Variants in SPIN1 observed in about 807,000 individuals in gnomAD.
The protein encoded by SPIN1 is spindlin 1, also known as spindlin-1.
In SPIN1, 3 loss-of-function variants were observed where a neutral mutation model predicts 26.0. The ratio of observed to expected loss-of-function variants is 0.12; its 90% CI spans 0.05 to 0.30. SPIN1 has a LOEUF of 0.30. Among genes scored for constraint, SPIN1 ranks in the 10% least tolerant of loss-of-function variants. SPIN1 has a pLI of 1.00. For missense variants in SPIN1, 126 were observed against 333.4 expected (o/e 0.38, Z 4.84); for synonymous variants, 101 against 116.5 (o/e 0.87, Z 0.86).
At chr9:88,460,756 A>T (rs567071538) in intron 3 of SPIN1, among the ~76,000 whole-genome samples, 5 of 152,340 alleles carry the variant, frequency 3.3e-5, no homozygotes, top group Admixed American at 6.5e-5. Flanking sequence ...AGAATGGATT[A>T]TGGCCACCCA....
chr9:88,454,530 G>A (rs1289867366), intron 3 of SPIN1, among the ~76,000 whole-genome samples: 16 of 151,978 alleles, frequency 1.1e-4, no homozygotes, highest in Non-Finnish European at 2.9e-5. Context: ...CCAAATAGGT[G>A]ATTAGAAATT....
In SPIN1 at chr9:88,477,606, C is replaced by T. The variant is rs530278184; in HGVS notation, c.*2329C>T. The T allele has an allele frequency of 2.0e-5, 3 of 152,452 alleles. No homozygotes were observed. Among genetic ancestry groups the T allele is most frequent in the South Asian group, 4.1e-4 (2 of 4,828 alleles). 9.4% of individuals were successfully genotyped at this position (152,452 alleles called of 1,614,324 possible). ...TGGTGACTTACACCACATGTAATGA[C>T]GCTATGACTAATTCTGCTCCCAAGC... is the stretch of plus-strand genomic sequence containing the variant. On this transcript the variant is annotated 3_prime_UTR_variant, in exon 6 of 6. Transcript: ENST00000375859.
intron 3 of SPIN1, among the ~76,000 whole-genome samples, chr9:88,460,435 T>C (rs1206158096): frequency 6.6e-6 from 1 of 152,214 alleles, no homozygotes; most frequent in African/African-American, 2.4e-5. Flanking sequence ...TGATACATGT[T>C]CTTACGTTAG....
intron 1 of SPIN1, among the ~76,000 whole-genome samples, chr9:88,404,361 C>G (rs1420816096): frequency 2.0e-5 from 3 of 152,176 alleles, no homozygotes; most frequent in Non-Finnish European, 4.4e-5. Flanking sequence ...CTCCCCTAAC[C>G]CCCAATTCTT....
intron 2 of SPIN1, among the ~76,000 whole-genome samples, chr9:88,444,494 C>T: frequency 6.6e-6 from 1 of 152,058 alleles, no homozygotes; most frequent in Non-Finnish European, 1.5e-5. Context: ...CCACCCGCCT[C>T]AGCCTCCCAA....
intron 2 of SPIN1, among the ~76,000 whole-genome samples, chr9:88,434,727 G>A (rs1355619861): frequency 3.3e-5 from 5 of 152,074 alleles, no homozygotes; most frequent in South Asian, 2.1e-4. Context: ...ATTACTGGAC[G>A]TGTGAGTTGT....
chr9:88,397,257 TG>T (rs1827085603), intron 1 of SPIN1, among the ~76,000 whole-genome samples: 1 of 152,142 alleles, frequency 6.6e-6, no homozygotes, highest in African/African-American at 2.4e-5. Context: ...CCTCATAATA[TG>T]GATCCACTGT....
chr9:88,457,301 G>A (rs1431964035), intron 3 of SPIN1, among the ~76,000 whole-genome samples: 1 of 152,058 alleles, frequency 6.6e-6, no homozygotes, highest in African/African-American at 2.4e-5. Context: ...GACTGAGGTG[G>A]GGCGGATCAC....
intron 1 of SPIN1, among the ~76,000 whole-genome samples, chr9:88,424,970 G>A (rs1433020961): frequency 2.6e-5 from 4 of 152,200 alleles, no homozygotes; most frequent in Admixed American, 6.5e-5. Context: ...AGGGATAGCT[G>A]TTATGACTAG....
intron 1 of SPIN1, among the ~76,000 whole-genome samples, chr9:88,401,010 T>A (rs906576378): frequency 6.6e-6 from 1 of 152,136 alleles, no homozygotes; most frequent in Non-Finnish European, 1.5e-5. Flanking sequence ...GAGATTCTAA[T>A]AAAATATTAG....
intron 2 of SPIN1, among the ~76,000 whole-genome samples, chr9:88,444,010 A>G (rs1828192307): frequency 6.6e-6 from 1 of 151,846 alleles, no homozygotes. Flanking sequence ...TTTCTGATCT[A>G]GTAAGTTGTG....
intron 1 of SPIN1, among the ~76,000 whole-genome samples, chr9:88,395,399 C>T (rs897119191): frequency 3.3e-5 from 5 of 152,026 alleles, no homozygotes; most frequent in African/African-American, 7.2e-5. Flanking sequence ...TTCTGGAGAG[C>T]GCTTCATTGA....
chr9:88,474,917 C>T (rs549212410), intron 5 of SPIN1, among the ~76,000 whole-genome samples, 161 bp from the exon 6 acceptor site: 125 of 152,106 alleles, frequency 8.2e-4, no homozygotes, highest in South Asian at 2.3e-3. Flanking sequence ...TTGTCTTTTA[C>T]GAAAACGTTT....
In SPIN1 at chr9:88,476,305, A is replaced by T. The variant is rs755007172; in HGVS notation, c.*1028A>T. Reference sequence around the variant, plus strand: ...AATACAATGCTTTTATATTGGAAGTATAAGTTTTGAGTGGCATTGTTGCCT... The same window carrying T: ...AATACAATGCTTTTATATTGGAAGTTTAAGTTTTGAGTGGCATTGTTGCCT... On this transcript the variant is annotated 3_prime_UTR_variant, in exon 6 of 6. Transcript: ENST00000375859. 6.6e-6 allele frequency: 1 copy of T among 152,212 alleles called. No homozygotes were observed. Among genetic ancestry groups the T allele is most frequent in the African/African-American group, 2.4e-5 (1 of 41,454 alleles). The allele number at this position is 152,212 out of a possible 1,614,324, so 9.4% of individuals were successfully genotyped here.
chr9:88,390,101 T>C (rs1271431209), intron 1 of SPIN1, among the ~76,000 whole-genome samples: 2 of 152,194 alleles, frequency 1.3e-5, no homozygotes, highest in Admixed American at 6.5e-5. Context: ...TTATAATCTT[T>C]TGAGTAGTGA....
At chr9:88,415,582 ATTTTTAT>A (rs767669316) in intron 1 of SPIN1, 4 of 151,884 alleles carry the variant, frequency 2.6e-5, no homozygotes, top group Non-Finnish European at 5.9e-5. Flanking sequence ...CACTTGGCTA[ATTTTTAT>A]TTTTTATTTT....
intron 3 of SPIN1, among the ~76,000 whole-genome samples, chr9:88,451,169 CA>C (rs1446334257): frequency 6.6e-6 from 1 of 152,062 alleles, no homozygotes; most frequent in Non-Finnish European, 1.5e-5. Flanking sequence ...ACTTCTGACT[CA>C]ACGGGAGTTG....
intron 2 of SPIN1, among the ~76,000 whole-genome samples, chr9:88,443,834 G>A (rs1828188438): frequency 6.6e-6 from 1 of 152,158 alleles, no homozygotes; most frequent in African/African-American, 2.4e-5. Context: ...GGACAGGATG[G>A]CTTGATCAAC....
At chr9:88,398,566 A>G (rs1241207845) in intron 1 of SPIN1, among the ~76,000 whole-genome samples, 2 of 151,886 alleles carry the variant, frequency 1.3e-5, no homozygotes, top group Admixed American at 1.3e-4. Flanking sequence ...TTAAGTAACA[A>G]TTTGTTGACT....
Sources: gnomAD v4.1 joint callset for allele counts (sites outside exome capture counted in the v4.1 genomes callset) on GRCh38, gnomAD v4.1.1 for gene constraint, MANE v1.5 for transcripts, NCBI Gene and HGNC (gene_info 2026-07-23, HGNC 2026-07-21) for gene names.